Variants in CACNA2D1 observed in about 807,000 individuals in gnomAD.
The protein encoded by CACNA2D1 is voltage-dependent calcium channel subunit alpha-2/delta-1.
A neutral mutation model predicts 171.5 loss-of-function variants in CACNA2D1; 53 were observed. That is an observed-to-expected ratio of 0.31 (90% CI 0.25 to 0.39). The LOEUF (loss-of-function observed/expected upper bound fraction) is 0.39, where lower values mean the gene tolerates loss of function less well. Ranked by LOEUF, CACNA2D1 falls within the 10% of genes least tolerant of loss-of-function variation. The pLI, the probability that CACNA2D1 is intolerant of heterozygous loss-of-function variation, is 1.00. For synonymous variants in CACNA2D1, 442 were observed against 443.1 expected (o/e 1.00, Z 0.03); for missense variants, 903 against 1,299.8 (o/e 0.69, Z 4.69).
intron 1 of CACNA2D1, among the ~76,000 whole-genome samples, chr7:82,441,646 A>C (rs1830510958): frequency 6.6e-6 from 1 of 152,166 alleles, no homozygotes; most frequent in Non-Finnish European, 1.5e-5. Flanking sequence ...GAGGAATAAA[A>C]GGTTGTATTT....
chr7:82,287,610 G>T (rs1810969915), intron 3 of CACNA2D1, among the ~76,000 whole-genome samples: 1 of 152,106 alleles, frequency 6.6e-6, no homozygotes, highest in South Asian at 2.1e-4. Context: ...ATTCTCAAAT[G>T]ATAGCATTAT....
At chr7:82,424,740 C>A (rs1829025819) in intron 1 of CACNA2D1, among the ~76,000 whole-genome samples, 1 of 152,194 alleles carries the variant, frequency 6.6e-6, no homozygotes, top group Non-Finnish European at 1.5e-5. Context: ...CCCTTAATGA[C>A]TAGTTAATGA....
chr7:82,124,888 C>CT (rs775670272), intron 5 of CACNA2D1, among the ~76,000 whole-genome samples: 3 of 151,674 alleles, frequency 2.0e-5, no homozygotes, highest in South Asian at 4.2e-4. Flanking sequence ...TATAAGACAG[C>CT]TTTTTAAAAA....
intron 2 of CACNA2D1, among the ~76,000 whole-genome samples, chr7:82,342,018 T>C (rs531225548): frequency 7.9e-6 from 1 of 126,098 alleles, no homozygotes; most frequent in South Asian, 2.6e-4. Flanking sequence ...CGCGCCACGG[T>C]GCTCCAGCCT....
chr7:82,013,023 A>C lies in CACNA2D1; in HGVS notation c.1272+438T>G, dbSNP rs370507186. ...AACTTTATTTTAGATTGATAAATAGATCCACAGGGGTTATTTGGGAGGTAT... is the reference window on the plus strand; with the variant it reads ...AACTTTATTTTAGATTGATAAATAGCTCCACAGGGGTTATTTGGGAGGTAT... On this transcript the variant is annotated intron_variant, in intron 14 of 38. Transcript: ENST00000356860. Among the ~76,000 whole-genome samples, 12 of 152,186 alleles carry C rather than the reference A, an allele frequency of 7.9e-5. No homozygotes were observed. The East Asian group carries it at 2.1e-3, about 27-fold the overall frequency.
intron 9 of CACNA2D1, among the ~76,000 whole-genome samples, chr7:82,063,926 A>G (rs992786649): frequency 1.3e-5 from 2 of 151,520 alleles, no homozygotes; most frequent in Non-Finnish European, 2.9e-5. Context: ...CGGCAGGAAC[A>G]TGGTTCACTG....
chr7:82,050,376 G>A, intron 10 of CACNA2D1: 1 of 548,438 alleles, frequency 1.8e-6, no homozygotes, highest in Non-Finnish European at 3.3e-6. Context: ...AGCAACAGAG[G>A]AGCAGAGTAA....
intron 3 of CACNA2D1, among the ~76,000 whole-genome samples, chr7:82,213,557 A>G (rs1800780822): frequency 6.6e-6 from 1 of 152,144 alleles, no homozygotes; most frequent in Non-Finnish European, 1.5e-5. Flanking sequence ...CTAAAACAAA[A>G]CCTGCTTTCA....
At chr7:82,177,228 A>G (rs1434733233) in intron 3 of CACNA2D1, among the ~76,000 whole-genome samples, 1 of 151,870 alleles carries the variant, frequency 6.6e-6, no homozygotes, top group East Asian at 1.9e-4. Flanking sequence ...AAAAAAAAGT[A>G]TTACAAATCA....
intron 1 of CACNA2D1, among the ~76,000 whole-genome samples, chr7:82,419,297 C>G (rs1828489702): frequency 1.3e-5 from 2 of 152,086 alleles, no homozygotes; most frequent in African/African-American, 4.8e-5. Flanking sequence ...CCAGGTGAAA[C>G]AAATACCCTT....
At chr7:82,284,164 C>T (rs1231304979) in intron 3 of CACNA2D1, among the ~76,000 whole-genome samples, 1 of 149,850 alleles carries the variant, frequency 6.7e-6, no homozygotes, top group African/African-American at 2.5e-5. Flanking sequence ...TGTACTCCAG[C>T]CTGGGCAACA....
chr7:82,106,544 A>AT (rs2129042861), intron 6 of CACNA2D1, among the ~76,000 whole-genome samples: 1 of 152,048 alleles, frequency 6.6e-6, no homozygotes, highest in African/African-American at 2.4e-5. Context: ...TAAACAGTAA[A>AT]TTTTTATTTG....
At chr7:82,349,477 T>G in intron 2 of CACNA2D1, 91 bp downstream of exon 2, 1 of 1,019,990 alleles carries the variant, frequency 9.8e-7, no homozygotes, top group South Asian at 1.3e-5. Context: ...TCATATCCCA[T>G]TTGTAATATA....
intron 1 of CACNA2D1, among the ~76,000 whole-genome samples, chr7:82,354,448 C>T (rs898899758): frequency 6.6e-6 from 1 of 152,060 alleles, no homozygotes; most frequent in Admixed American, 6.6e-5. Context: ...AAATCTAATC[C>T]ATGGCTAGAA....
chr7:82,135,525 GA>G (rs1223247693), intron 5 of CACNA2D1, among the ~76,000 whole-genome samples: 1 of 152,000 alleles, frequency 6.6e-6, no homozygotes, highest in Non-Finnish European at 1.5e-5. Context: ...ATAAACTGGA[GA>G]AAATAAAACC....
intron 6 of CACNA2D1, among the ~76,000 whole-genome samples, chr7:82,111,214 T>C (rs1211179018): frequency 2.0e-5 from 3 of 150,036 alleles, no homozygotes; most frequent in Non-Finnish European, 3.0e-5. Flanking sequence ...TAATACCATG[T>C]CTAAAAAAGC....
chr7:82,211,985 T>C (rs1206281051), intron 3 of CACNA2D1, among the ~76,000 whole-genome samples: 1 of 152,218 alleles, frequency 6.6e-6, no homozygotes, highest in Non-Finnish European at 1.5e-5. Flanking sequence ...TTATTAGTGA[T>C]GTTGAGCATT....
At chr7:82,042,617 G>A (rs1268622491) in intron 10 of CACNA2D1, among the ~76,000 whole-genome samples, 5 of 152,124 alleles carry the variant, frequency 3.3e-5, no homozygotes, top group East Asian at 3.9e-4. Context: ...AGGAAGGCAC[G>A]TGTGTTAACA....
intron 1 of CACNA2D1, among the ~76,000 whole-genome samples, chr7:82,355,841 TA>T (rs1222316123): frequency 1.3e-5 from 2 of 152,074 alleles, no homozygotes; most frequent in East Asian, 3.9e-4. Context: ...AATCTCCATA[TA>T]TAATCTCTAA....
Sources: allele counts gnomAD v4.1 joint callset (sites outside exome capture counted in the v4.1 genomes callset), GRCh38; gene constraint gnomAD v4.1.1; transcripts MANE v1.5; gene names NCBI Gene and HGNC (gene_info 2026-07-23, HGNC 2026-07-21).